Variants in PGM2 observed in about 807,000 individuals in gnomAD.
PGM2 encodes the protein phosphoglucomutase 2.
A neutral mutation model predicts 74.6 loss-of-function variants in PGM2; 57 were observed. That is an observed-to-expected ratio of 0.76 (90% CI 0.62 to 0.95). PGM2 has a LOEUF of 0.95. Among genes scored for constraint, PGM2 ranks in the 40% least tolerant of loss-of-function variants. The pLI is 0.00. For synonymous variants in PGM2, 273 were observed against 260.7 expected, an observed-to-expected ratio of 1.05 and a Z score of -0.46; for missense variants, 706 against 741.9, an observed-to-expected ratio of 0.95 and a Z score of 0.56.
chr4:37,841,741 T>G (rs1400705563), intron 6 of PGM2, among the ~76,000 whole-genome samples: 1 of 152,210 alleles, frequency 6.6e-6, no homozygotes, highest in Non-Finnish European at 1.5e-5. Context: ...TGATTTAACT[T>G]CACGAAGAAT....
intron 4 of PGM2, among the ~76,000 whole-genome samples, chr4:37,838,827 G>A (rs566742875): frequency 4.6e-5 from 7 of 152,226 alleles, no homozygotes; most frequent in South Asian, 4.2e-4. Context: ...CTGAGGAGTC[G>A]TCCTCCCCTT....
At chr4:37,846,381 A>G (rs1028571709) in intron 8 of PGM2, among the ~76,000 whole-genome samples, 2 of 152,210 alleles carry the variant, frequency 1.3e-5, no homozygotes, top group African/African-American at 4.8e-5. Flanking sequence ...GTGTTGAGAA[A>G]GTTAAGCTAA....
At chr4:37,842,154 AATAT>A (rs1297468769) in intron 6 of PGM2, among the ~76,000 whole-genome samples, 1 of 149,102 alleles carries the variant, frequency 6.7e-6, no homozygotes, top group African/African-American at 2.4e-5. Flanking sequence ...CTTTGTTTAT[AATAT>A]ATATACATAT....
In PGM2 at chr4:37,861,522, G is replaced by A. The variant is rs1401548566; in HGVS notation, c.1749G>A (p.Gln583=). Residue 583 remains glutamine, a synonymous_variant, in exon 14 of 14, where the codon CAG becomes CAA. Coordinates refer to ENST00000381967, the MANE Select transcript of PGM2 (RefSeq NM_018290.4). ...CAPPGNSDPE[Q]LKKELNELVS... ...CCTTATTTTCCAGTGATCCTGAGCA[G>A]CTGAAGAAGGAACTGAATGAACTGG... 2.5e-6 allele frequency: 4 copies of A among 1,610,768 alleles called. No homozygotes were observed. Among genetic ancestry groups the A allele is most frequent in the Middle Eastern group, 1.7e-4 (1 of 6,054 alleles).
At chr4:37,856,137 G>C (rs1338091414) in intron 13 of PGM2, among the ~76,000 whole-genome samples, 4 of 152,096 alleles carry the variant, frequency 2.6e-5, no homozygotes, top group Non-Finnish European at 2.9e-5. Flanking sequence ...TGTAATCCCA[G>C]CACTTTGGGA....
rs1005426085 is a variant in PGM2 at position 37,839,923 on chromosome 4, G to A, written c.517G>A (p.Gly173Ser). The A allele has an allele frequency of 2.5e-6, 4 of 1,591,868 alleles. No homozygotes were observed. The highest frequency in any genetic ancestry group is 3.4e-6 in the Non-Finnish European group (4 of 1,160,082). Residue 173 changes from glycine to serine, a missense_variant, in exon 5 of 14, where the codon GGT becomes AGT. By Grantham distance (56) the Gly-to-Ser change is moderately conservative. Around this residue, in one of 3 missense-constraint regions of PGM2, gnomAD observed 332 missense variants for 334.9 expected, o/e 0.99. Coordinates refer to ENST00000381967, the MANE Select transcript of PGM2 (RefSeq NM_018290.4). ...ATCTCACAATCCAAAGCAGGATAAT[G>A]GTTATAAGGTATTTTCCTTTTTCTA... ...TASHNPKQDN[G>S]YKVYWDNGAQ... is the part of the protein sequence containing the mutation.
At chr4:37,859,662 C>A (rs1363851774) in intron 13 of PGM2, among the ~76,000 whole-genome samples, 1 of 152,152 alleles carries the variant, frequency 6.6e-6, no homozygotes, top group Non-Finnish European at 1.5e-5. Context: ...TAACTGGAGA[C>A]ACTATCCTAG....
At chr4:37,855,539 T>A in intron 12 of PGM2, 69 bp from the exon 13 acceptor site, 1 of 1,362,302 alleles carries the variant, frequency 7.3e-7, no homozygotes, top group Non-Finnish European at 1.0e-6. Flanking sequence ...TTCTTACTTA[T>A]GCAAGAGAAG....
chr4:37,837,563 C>T lies in PGM2; in HGVS notation c.391C>T (p.Gln131Ter). Residue 131 changes from glutamine (Q) to a stop codon, truncating the protein, a stop_gained, in exon 4 of 14, where the codon CAG (glutamine) becomes TAG (stop). Coordinates refer to ENST00000381967, the MANE Select transcript of PGM2 (RefSeq NM_018290.4). LOFTEE classifies it high-confidence loss of function. ...ACTTGCTGCAACCACATTTATCAGT[C>T]AGGGGATTCCTGTGTACCTCTTTTC... ...ARLAATTFIS[Q>*]GIPVYLFSDI... 6.2e-7 allele frequency: 1 copy of T among 1,613,384 alleles called. No homozygotes were observed. Among genetic ancestry groups the T allele is most frequent in the Non-Finnish European group, 8.5e-7 (1 of 1,179,296 alleles).
At chr4:37,840,446 C>T (rs1047790614) in intron 6 of PGM2, among the ~76,000 whole-genome samples, 187 bp downstream of exon 6, 1 of 152,188 alleles carries the variant, frequency 6.6e-6, no homozygotes, top group Non-Finnish European at 1.5e-5. Flanking sequence ...TGCAGTGGCA[C>T]GATTTGGCTC....
chr4:37,832,220 G>A (rs1725459448), intron 2 of PGM2, among the ~76,000 whole-genome samples: 1 of 152,220 alleles, frequency 6.6e-6, no homozygotes, highest in South Asian at 2.1e-4. Flanking sequence ...ATAGGAGACA[G>A]AGATGTGAAG....
chr4:37,835,423 T>A (rs1024647568), intron 3 of PGM2, among the ~76,000 whole-genome samples: 3 of 152,294 alleles, frequency 2.0e-5, no homozygotes, highest in African/African-American at 7.2e-5. Flanking sequence ...CAGAGAAACA[T>A]CCATCGACAA....
intron 10 of PGM2, 60 bp downstream of exon 10, chr4:37,847,355 T>C (rs1326865947): frequency 7.9e-7 from 1 of 1,272,358 alleles, no homozygotes; most frequent in East Asian, 2.3e-5. Context: ...AAGGTTTGGA[T>C]TGGGATTCAA....
At chr4:37,836,882 T>TGTGTGTGTGC (rs1553885669) in intron 3 of PGM2, among the ~76,000 whole-genome samples, 3 of 151,902 alleles carry the variant, frequency 2.0e-5, no homozygotes, top group East Asian at 3.9e-4. Flanking sequence ...TGTGTGTGTG[T>TGTGTGTGTGC]ATACACACAT....
Position 37,848,592 on chromosome 4 carries a change from T to C in PGM2, c.1353T>C (p.Ala451=). The C allele has an allele frequency of 6.2e-7, 1 of 1,613,826 alleles. No individual in the cohort carries two copies. The highest frequency in any genetic ancestry group is 8.5e-7 in the Non-Finnish European group (1 of 1,179,666). Residue 451 remains alanine (A), a synonymous_variant, in exon 11 of 14, where the codon GCT becomes GCC. Coordinates refer to ENST00000381967, the MANE Select transcript of PGM2 (RefSeq NM_018290.4). ...VSAAVISAEL[A]SFLATKNLSL... ...CCGCTGTCATAAGTGCAGAGTTGGC[T>C]AGCTTCCTAGCAACCAAGAATTTGT...
Position 37,835,774 on chromosome 4 carries a change from C to T in PGM2, c.356+1050C>T, listed in dbSNP as rs145963270. Reference sequence around the variant, plus strand: ...GGGTGCATAGCCGGGGAAAATCACCCGGTGGCATCAGCCCCAGGTTCAACT... The same window carrying T: ...GGGTGCATAGCCGGGGAAAATCACCTGGTGGCATCAGCCCCAGGTTCAACT... On this transcript the variant is annotated intron_variant, in intron 3 of 13. Coordinates refer to ENST00000381967, the MANE Select transcript of PGM2 (RefSeq NM_018290.4). Among the ~76,000 whole-genome samples, 73 of 152,284 alleles carry T rather than the reference C, an allele frequency of 4.8e-4. No homozygotes were observed. In the East Asian group the frequency reaches 8.9e-3, roughly 18 times the overall value.
At chr4:37,846,091 G>A (rs1032644399) in intron 8 of PGM2, among the ~76,000 whole-genome samples, 6 of 152,144 alleles carry the variant, frequency 3.9e-5, no homozygotes, top group African/African-American at 1.4e-4. Flanking sequence ...ATTTGCTGAG[G>A]GGTTTAGGAG....
At chr4:37,858,599 C>T (rs1394142450) in intron 13 of PGM2, among the ~76,000 whole-genome samples, 2 of 151,896 alleles carry the variant, frequency 1.3e-5, no homozygotes. Context: ...ATCTGCCAGC[C>T]TCAGCCTCCC....
Position 37,845,673 on chromosome 4 carries a change from T to C in PGM2, c.950T>C (p.Ile317Thr), listed in dbSNP as rs757478872. The change falls in exon 8 of 14, where the codon ATT (isoleucine) becomes ACT (threonine). Residue 317 changes from isoleucine to threonine, a missense_variant. By Grantham distance (89) the Ile-to-Thr change is moderately conservative (BLOSUM62 -1). Transcript: ENST00000381967. Reference sequence around the variant, plus strand: ...TTGGCTGACAAAACCAAGGCCAGAATTGTTTTAGCTAACGACCCGGATGCT... The same window carrying C: ...TTGGCTGACAAAACCAAGGCCAGAACTGTTTTAGCTAACGACCCGGATGCT... ...FALADKTKARIVLANDPDADR... is the reference protein window; with the variant it reads ...FALADKTKARTVLANDPDADR... The C allele has an allele frequency of 2.5e-6, 4 of 1,613,876 alleles. No individual in the cohort carries two copies. The East Asian group carries it at 6.7e-5, about 27-fold the overall frequency.
Sources: gnomAD v4.1 joint callset for allele counts (sites outside exome capture counted in the v4.1 genomes callset) on GRCh38, gnomAD v4.1.1 for gene constraint, gnomAD v4.1.1 regional missense constraint, MANE v1.5 for transcripts, NCBI Gene and HGNC (gene_info 2026-07-23, HGNC 2026-07-21) for gene names.